The following STK10 variants were observed in gnomAD, a reference collection of about 807,000 sequenced individuals.
The protein encoded by STK10 is serine/threonine-protein kinase 10.
A neutral mutation model predicts 113.8 loss-of-function variants in STK10; 78 were observed. The ratio of observed to expected loss-of-function variants is 0.69; its 90% CI spans 0.57 to 0.83. The LOEUF is 0.83. Among genes scored for constraint, STK10 ranks in the 40% least tolerant of loss-of-function variants. STK10 has a pLI of 0.00. For synonymous variants in STK10, 465 were observed against 494.7 expected (o/e 0.94, Z 0.80); for missense variants, 1,109 against 1,280.1 (o/e 0.87, Z 2.04).
chr5:172,150,149 C>T lies in STK10; in HGVS notation c.321+6475G>A, dbSNP rs145915913. ...AAACAGAGGCCCAGGAAAGGAAGCT[C>T]ATCTCGGGTCACACAGCCAGTTGGT... On this transcript the variant is annotated intron_variant, in intron 2 of 18. Transcript: ENST00000176763. Among the ~76,000 whole-genome samples the T allele has an allele frequency of 2.5e-3, 381 of 151,654 alleles. 3 individuals carry two copies. The highest frequency in any genetic ancestry group is 8.7e-3 in the African/African-American group (358 of 41,348).
At chr5:172,119,885 T>TAAACAAAATA (rs546861171) in intron 3 of STK10, among the ~76,000 whole-genome samples, 12,360 of 88,438 alleles carry the variant, frequency 0.14, 774 homozygotes, top group African/African-American at 0.38. Context: ...AAATAAATAA[T>TAAACAAAATA]AAATAAACAA....
intron 1 of STK10, among the ~76,000 whole-genome samples, chr5:172,178,333 C>T (rs368780615): frequency 6.6e-6 from 1 of 152,184 alleles, no homozygotes; most frequent in African/African-American, 2.4e-5. Context: ...ACTCATGGGC[C>T]GGCCTCTCTC....
At chr5:172,053,129 G>C (rs1196850150) in intron 17 of STK10, 87 bp from the exon 18 acceptor site, 4 of 988,006 alleles carry the variant, frequency 4.0e-6, no homozygotes, top group East Asian at 4.9e-5. Context: ...TGGCTACGAG[G>C]GCACCAGCAT....
chr5:172,121,311 A>C (rs373264200), intron 3 of STK10, among the ~76,000 whole-genome samples: 2 of 151,786 alleles, frequency 1.3e-5, no homozygotes, highest in African/African-American at 4.8e-5. Context: ...GATTATATGC[A>C]TGAGCCACTG....
Position 172,120,620 on chromosome 5 carries a change from C to A in STK10, c.371-2990G>T, listed in dbSNP as rs1253566184. Among the ~76,000 whole-genome samples, 1 of 152,188 alleles carries A rather than the reference C, an allele frequency of 6.6e-6. No homozygotes were observed. The highest frequency in any genetic ancestry group is 1.9e-4 in the East Asian group (1 of 5,192). ...AAGTCGCCCAAGCTCTCTGGCCCTT[C>A]ATTTCCTGGTCTGTGAAATGGGATG... is the stretch of plus-strand genomic sequence containing the variant. On this transcript the variant is annotated intron_variant, in intron 3 of 18. Transcript: ENST00000176763. This position sits in a 1 kb window ranked among gnomAD's most constrained non-coding sequence, Gnocchi z 4.0.
chr5:172,139,485 C>T (rs1199918762), intron 2 of STK10, among the ~76,000 whole-genome samples: 1 of 143,972 alleles, frequency 6.9e-6, no homozygotes, highest in Non-Finnish European at 1.5e-5. Flanking sequence ...AGTGAGACCC[C>T]ATCTCTGGAA....
intron 7 of STK10, among the ~76,000 whole-genome samples, chr5:172,101,899 C>T (rs1164980218): frequency 6.0e-5 from 8 of 133,698 alleles, no homozygotes; most frequent in Non-Finnish European, 1.3e-4. Context: ...CACAGCAAGG[C>T]GGCTGGGCAG....
chr5:172,118,193 G>A (rs1053536564), intron 3 of STK10, among the ~76,000 whole-genome samples: 1 of 152,108 alleles, frequency 6.6e-6, no homozygotes, highest in African/African-American at 2.4e-5. Flanking sequence ...TAAGCCACTC[G>A]CTCAAGGTCA....
At chr5:172,157,871 G>C (rs926385393) in intron 1 of STK10, among the ~76,000 whole-genome samples, 1 of 152,136 alleles carries the variant, frequency 6.6e-6, no homozygotes, top group Non-Finnish European at 1.5e-5. Flanking sequence ...GATTACAGGT[G>C]TGAGCCACTG....
intron 12 of STK10, among the ~76,000 whole-genome samples, chr5:172,070,031 T>C (rs1581139818): frequency 6.6e-6 from 1 of 152,320 alleles, no homozygotes; most frequent in East Asian, 1.9e-4. Context: ...GTGGATCACC[T>C]GAGGTCAAGA....
chr5:172,069,273 A>T (rs1768130987), intron 12 of STK10, among the ~76,000 whole-genome samples: 1 of 152,160 alleles, frequency 6.6e-6, no homozygotes, highest in Admixed American at 6.5e-5. Flanking sequence ...TGAAAGCACA[A>T]CTATATGCTG....
intron 8 of STK10, among the ~76,000 whole-genome samples, chr5:172,094,319 T>A (rs909103979): frequency 6.6e-6 from 1 of 152,150 alleles, no homozygotes; most frequent in African/African-American, 2.4e-5. Context: ...GGCTCCCCTG[T>A]GGCCAAACCT....
rs556601139 is a variant in STK10 at position 172,048,606 on chromosome 5, CTGATACCATCCTAG to C, written c.2767-3598_2767-3585del. On this transcript the variant is annotated intron_variant, in intron 18 of 18. Coordinates refer to ENST00000176763, the MANE Select transcript of STK10 (RefSeq NM_005990.4). The stretch of plus-strand genomic sequence containing the variant: ...GGAAATGGACAAATTCCCCCAACCT[CTGATACCATCCTAG>C]TTCAAGATACCACCCTAGTCCAAGC... Among the ~76,000 whole-genome samples the C allele has an allele frequency of 3.9e-3, 596 of 151,714 alleles. 3 individuals carry two copies. The highest frequency in any genetic ancestry group is 0.013 in the African/African-American group (524 of 41,070).
At chr5:172,139,488 C>T (rs1391786907) in intron 2 of STK10, among the ~76,000 whole-genome samples, 4 of 140,856 alleles carry the variant, frequency 2.8e-5, no homozygotes, top group Non-Finnish European at 4.5e-5. Flanking sequence ...GAGACCCCAT[C>T]TCTGGAAAAA....
intron 18 of STK10, among the ~76,000 whole-genome samples, chr5:172,052,392 C>T (rs775867678): frequency 6.6e-6 from 1 of 152,196 alleles, no homozygotes; most frequent in Non-Finnish European, 1.5e-5. Context: ...AGCCCAGCCA[C>T]GCTGACAACG....
At chr5:172,090,202 A>G (rs1243270809) in intron 10 of STK10, 30 bp downstream of exon 10, 1 of 1,612,420 alleles carries the variant, frequency 6.2e-7, no homozygotes, top group Admixed American at 1.7e-5. Flanking sequence ...CCACCCTGTT[A>G]CCACCATTGG....
intron 4 of STK10, among the ~76,000 whole-genome samples, chr5:172,109,555 C>A (rs548936365): frequency 2.5e-4 from 38 of 152,082 alleles, no homozygotes; most frequent in Non-Finnish European, 5.0e-4. Flanking sequence ...AATCCTCCTG[C>A]CTTGGCCTCC....
intron 1 of STK10, among the ~76,000 whole-genome samples, chr5:172,157,104 G>T (rs1770365972): frequency 6.6e-6 from 1 of 152,090 alleles, no homozygotes; most frequent in South Asian, 2.1e-4. Flanking sequence ...AATAAAAATG[G>T]CACAATACTT....
At chr5:172,121,652 C>A (rs1205289933) in intron 3 of STK10, among the ~76,000 whole-genome samples, 3 of 151,998 alleles carry the variant, frequency 2.0e-5, no homozygotes, top group Non-Finnish European at 2.9e-5. Context: ...ACTAAAAATA[C>A]AAAATTAGCC....
Sources: gnomAD v4.1 joint callset for allele counts (sites outside exome capture counted in the v4.1 genomes callset) on GRCh38, gnomAD v4.1.1 for gene constraint, Gnocchi (gnomAD v3.1) non-coding constraint, MANE v1.5 for transcripts, NCBI Gene and HGNC (gene_info 2026-07-23, HGNC 2026-07-21) for gene names.